ZYX: variants seen among roughly 807,000 people sequenced by gnomAD.
ZYX encodes the protein zyxin-2.
Under a neutral mutation model 58.1 loss-of-function variants are expected in ZYX, and 37 were observed. That is an observed-to-expected ratio of 0.64 (90% CI 0.49 to 0.84). ZYX has a LOEUF of 0.84. Among genes scored for constraint, ZYX ranks in the 40% least tolerant of loss-of-function variants. The probability of loss-of-function intolerance (pLI) is 0.00; values close to 1 mark genes in which losing one functional copy is unlikely to be tolerated. For synonymous variants in ZYX, 324 were observed against 321.1 expected (o/e 1.01, Z -0.10); for missense variants, 762 against 761.6 (o/e 1.00, Z -0.01).
rs1804657163 is a variant in ZYX, at chr7:143,382,418, C to G, written c.379C>G (p.Pro127Ala). 1 of 1,584,546 alleles carries G rather than the reference C, an allele frequency of 6.3e-7. No homozygotes were observed. The highest frequency in any genetic ancestry group is 8.6e-7 in the Non-Finnish European group (1 of 1,166,728). The change falls in exon 3 of 10, where the codon CCT becomes GCT. Residue 127 changes from proline to alanine, a missense_variant. Pro to Ala is a conservative substitution (Grantham distance 27). Transcript: ENST00000322764. Reference protein sequence around the residue: ...PPPPPEEEGGPEAPIPPPPQP... With the variant: ...PPPPPEEEGGAEAPIPPPPQP... ...GCCTCCTCCGGAGGAGGAGGGAGGG[C>G]CTGAGGCCCCCATACCGCCCCCACC... is the stretch of plus-strand genomic sequence containing the variant.
chr7:143,388,809 G>T lies in ZYX; in HGVS notation c.1357G>T (p.Asp453Tyr). ...KCNTCGEPITDRMLRATGKAY... is the reference protein window; with the variant it reads ...KCNTCGEPITYRMLRATGKAY... ...TAACACCTGCGGGGAGCCCATCACTGACCGCATGCTGAGGGCCACGGGCAA... is the reference window on the plus strand; with the variant it reads ...TAACACCTGCGGGGAGCCCATCACTTACCGCATGCTGAGGGCCACGGGCAA... Residue 453 changes from aspartate (D) to tyrosine (Y), a missense_variant, in exon 8 of 10, where the codon GAC becomes TAC. By Grantham distance (160) the Asp-to-Tyr change is radical. Coordinates refer to ENST00000322764, the MANE Select transcript of ZYX (RefSeq NM_003461.5). The surrounding 1 kb of genome is among the most constrained non-coding windows in gnomAD (Gnocchi z 7.5). 1.2e-6 allele frequency: 2 copies of T among 1,614,062 alleles called. No homozygotes were observed. The highest frequency in any genetic ancestry group is 1.1e-5 in the South Asian group (1 of 91,076).
chr7:143,390,582 G>T lies in ZYX; in HGVS notation c.1619G>T (p.Cys540Phe). Residue 540 changes from cysteine (C) to phenylalanine (F), a missense_variant, in exon 10 of 10, where the codon TGC becomes TTC. Cys to Phe is a radical substitution (Grantham distance 205). Coordinates refer to ENST00000322764, the MANE Select transcript of ZYX (RefSeq NM_003461.5). The surrounding 1 kb of genome is among the most constrained non-coding windows in gnomAD (Gnocchi z 4.3). ...FHMKCYKCED[C>F]GKPLSIEADD... ...CTCACCCTTCCTTCTTCCCAGGACT[G>T]CGGGAAGCCCCTGTCGATTGAGGCA... 6.4e-7 allele frequency: 1 copy of T among 1,564,516 alleles called. No homozygotes were observed. The highest frequency in any genetic ancestry group is 2.3e-5 in the East Asian group (1 of 42,596).
rs143565645 is a variant in ZYX at position 143,383,096 on chromosome 7, T to C, written c.797T>C (p.Phe266Ser). 2.8e-4 allele frequency: 448 copies of C among 1,614,046 alleles called. No individual in the cohort carries two copies. The highest frequency in any genetic ancestry group is 3.6e-4 in the Non-Finnish European group (428 of 1,180,036). The change falls in exon 5 of 10, where the codon TTT becomes TCT. Residue 266 changes from phenylalanine to serine, a missense_variant. By Grantham distance (155) the Phe-to-Ser change is radical (BLOSUM62 -2). Coordinates refer to ENST00000322764, the MANE Select transcript of ZYX (RefSeq NM_003461.5). ...TCATCTCCGGCTCCAGCCCCTAAGT[T>C]TTCTCCAGTGACTCCTAAGTTTACT... ...PASSPAPAPKFSPVTPKFTPV... is the reference protein window; with the variant it reads ...PASSPAPAPKSSPVTPKFTPV...
At chr7:143,382,139 TG>T in intron 2 of ZYX, 108 bp from the exon 3 acceptor site, 2 of 956,330 alleles carry the variant, frequency 2.1e-6, no homozygotes, top group Non-Finnish European at 3.1e-6. Flanking sequence ...CCACACGCTC[TG>T]GGACCCCTGA....
rs1804586229 is a variant in ZYX, at chr7:143,381,611, G to A, written c.40G>A (p.Val14Ile). The change falls in exon 2 of 10, where the codon GTC (valine) becomes ATC (isoleucine). Residue 14 changes from valine (V) to isoleucine (I), a missense_variant. Val to Ile is a conservative substitution (Grantham distance 29). Transcript: ENST00000322764. ...PRPSPAISVS[V>I]SAPAFYAPQK... is the part of the protein sequence containing the mutation. ...CCCGTCTCCCGCGATCTCCGTTTCG[G>A]TCTCGGCTCCGGCTTTTTACGCCCC... 1.2e-6 allele frequency: 2 copies of A among 1,611,910 alleles called. No individual in the cohort carries two copies. Among genetic ancestry groups the A allele is most frequent in the Admixed American group, 1.7e-5 (1 of 59,974 alleles).
Position 143,388,040 on chromosome 7 carries a change from G to T in ZYX, c.1024-179G>T. ...GCTTAGGTCCCTTCCCCTGTTATTT[G>T]TGTGGTGCTGGGGATGGCGGGGGTA... On this transcript the variant is annotated intron_variant, in intron 5 of 9. Coordinates refer to ENST00000322764, the MANE Select transcript of ZYX (RefSeq NM_003461.5). This position sits in a 1 kb window ranked among gnomAD's most constrained non-coding sequence, Gnocchi z 7.5. 1 of 687,240 alleles carries T rather than the reference G, an allele frequency of 1.5e-6. No individual in the cohort carries two copies. Among genetic ancestry groups the T allele is most frequent in the Middle Eastern group, 4.1e-4 (1 of 2,444 alleles). 42.6% of individuals were successfully genotyped at this position (687,240 alleles called of 1,614,324 possible). A position where few individuals can be genotyped will look rare whatever the true frequency, so the allele number is the denominator to read the frequency against.
rs375648581 is a variant in ZYX, at chr7:143,385,971, G to GGT, written c.1024-2234_1024-2233dup. ...GGTGTGGTATTATCTGAATGTGAGT[G>GGT]GTGTGTGTGTGTGTGGTATGGTATA... On this transcript the variant is annotated intron_variant, in intron 5 of 9. Transcript: ENST00000322764. 5.2e-3 allele frequency among the ~76,000 whole-genome samples: 783 copies of GGT among 150,184 alleles called. 3 individuals carry two copies. Among genetic ancestry groups the GGT allele is most frequent in the Middle Eastern group, 0.028 (8 of 290 alleles).
Position 143,388,199 on chromosome 7 carries a change from G to A in ZYX, c.1024-20G>A. 5.1e-6 allele frequency: 8 copies of A among 1,583,502 alleles called. No individual in the cohort carries two copies. The highest frequency in any genetic ancestry group is 6.0e-6 in the Non-Finnish European group (7 of 1,164,768). ...GAGGCAGCAGCCCTCTAGAGTGTGA[G>A]GAAAATGTTGGGATTGCAGGTGCGC... On this transcript the variant is annotated intron_variant, in intron 5 of 9. Coordinates refer to ENST00000322764, the MANE Select transcript of ZYX (RefSeq NM_003461.5). The surrounding 1 kb of genome is among the most constrained non-coding windows in gnomAD (Gnocchi z 7.5).
In ZYX at chr7:143,387,197, C is replaced by T. The variant is rs998204468; in HGVS notation, c.1024-1022C>T. On this transcript the variant is annotated intron_variant, in intron 5 of 9. Coordinates refer to ENST00000322764, the MANE Select transcript of ZYX (RefSeq NM_003461.5). The surrounding 1 kb of genome is among the most constrained non-coding windows in gnomAD (Gnocchi z 5.8). ...CTGGAGAGTTGGACTTATATGGACGCATGCTTCACTGGGCAGAAAGGACGC... is the reference window on the plus strand; with the variant it reads ...CTGGAGAGTTGGACTTATATGGACGTATGCTTCACTGGGCAGAAAGGACGC... 6.6e-6 allele frequency among the ~76,000 whole-genome samples: 1 copy of T among 151,958 alleles called. No homozygotes were observed. The highest frequency in any genetic ancestry group is 2.4e-5 in the African/African-American group (1 of 41,356).
rs1337236170 is a variant in ZYX at position 143,390,896 on chromosome 7, G to A, written c.*214G>A. The A allele has an allele frequency of 1.3e-5, 7 of 550,114 alleles. No homozygotes were observed. Among genetic ancestry groups the A allele is most frequent in the Admixed American group, 9.5e-5 (3 of 31,696 alleles). 34.1% of individuals were successfully genotyped at this position (550,114 alleles called of 1,614,324 possible). On this transcript the variant is annotated 3_prime_UTR_variant, in exon 10 of 10. Coordinates refer to ENST00000322764, the MANE Select transcript of ZYX (RefSeq NM_003461.5). The surrounding 1 kb of genome is among the most constrained non-coding windows in gnomAD (Gnocchi z 4.3). ...GTCTGGTCCTCGCCCATCCTGCAGG[G>A]ATTGCCCACCGTCTTCCAGACACCC...
chr7:143,383,011 G>T lies in ZYX; in HGVS notation c.712G>T (p.Val238Phe). 2 of 1,613,974 alleles carry T rather than the reference G, an allele frequency of 1.2e-6. No homozygotes were observed. The highest frequency in any genetic ancestry group is 1.7e-6 in the Non-Finnish European group (2 of 1,179,910). Reference protein sequence around the residue: ...PQPKPQVQLHVQSQTQPVSLA... With the variant: ...PQPKPQVQLHFQSQTQPVSLA... ...GCCCAAGCCTCAGGTCCAACTCCAT[G>T]TCCAGTCCCAGACCCAGCCTGTGTC... The change falls in exon 5 of 10, where the codon GTC becomes TTC. Residue 238 changes from valine (V) to phenylalanine (F), a missense_variant. By Grantham distance (50) the Val-to-Phe change is conservative. Transcript: ENST00000322764.
At position 143,388,674 on chromosome 7, in the gene ZYX, C is replaced by T; in HGVS notation, c.1314+16C>T. 6.2e-7 allele frequency: 1 copy of T among 1,605,484 alleles called. No individual in the cohort carries two copies. The highest frequency in any genetic ancestry group is 8.5e-7 in the Non-Finnish European group (1 of 1,174,798). On this transcript the variant is annotated intron_variant, in intron 7 of 9. Coordinates refer to ENST00000322764, the MANE Select transcript of ZYX (RefSeq NM_003461.5). This position sits in a 1 kb window ranked among gnomAD's most constrained non-coding sequence, Gnocchi z 7.5. ...CTGTTACACTGTGAGTCGGGCTGTG[C>T]TGGGCTGTGCTGGGCTGTGCTGGGC...
rs559675418 is a variant in ZYX, at chr7:143,388,634, G to A, written c.1290G>A (p.Ala430=). ...QGQQFYSLEG[A]PYCEGCYTDT... Reference sequence around the variant, plus strand: ...AGCAGTTCTACAGTCTGGAGGGGGCGCCGTACTGCGAGGGCTGTTACACTG... The same window carrying A: ...AGCAGTTCTACAGTCTGGAGGGGGCACCGTACTGCGAGGGCTGTTACACTG... The change falls in exon 7 of 10, where the codon GCG becomes GCA. Residue 430 remains alanine, a synonymous_variant. Transcript: ENST00000322764. This position sits in a 1 kb window ranked among gnomAD's most constrained non-coding sequence, Gnocchi z 7.5. The A allele has an allele frequency of 5.7e-5, 92 of 1,613,462 alleles. No homozygotes were observed. The highest frequency in any genetic ancestry group is 7.2e-5 in the Non-Finnish European group (85 of 1,179,926).
intron 5 of ZYX, among the ~76,000 whole-genome samples, chr7:143,385,978 G>A (rs1804849234): frequency 6.6e-6 from 1 of 151,280 alleles, no homozygotes; most frequent in African/African-American, 2.4e-5. Flanking sequence ...AGTGGTGTGT[G>A]TGTGTGTGGT....
intron 5 of ZYX, among the ~76,000 whole-genome samples, chr7:143,385,718 A>C (rs1432733431): frequency 2.6e-5 from 3 of 113,388 alleles, no homozygotes; most frequent in African/African-American, 1.1e-4. Flanking sequence ...GCCCATGCTT[A>C]CTACAACCTC....
rs1222307004 is a variant in ZYX, at chr7:143,390,514, G to T, written c.1615-64G>T. 1.7e-5 allele frequency: 20 copies of T among 1,194,688 alleles called. No homozygotes were observed. The highest frequency in any genetic ancestry group is 2.3e-5 in the Non-Finnish European group (19 of 829,188). 74.0% of individuals were successfully genotyped at this position (1,194,688 alleles called of 1,614,324 possible). ...ATTCCAAGATGGAGCTGGATGGGGTGGGGTAGGGTGGAGCAGAGCAGGGGC... is the reference window on the plus strand; with the variant it reads ...ATTCCAAGATGGAGCTGGATGGGGTTGGGTAGGGTGGAGCAGAGCAGGGGC... On this transcript the variant is annotated intron_variant, in intron 9 of 9. Coordinates refer to ENST00000322764, the MANE Select transcript of ZYX (RefSeq NM_003461.5). The surrounding 1 kb of genome is among the most constrained non-coding windows in gnomAD (Gnocchi z 4.3).
chr7:143,382,399 T>G lies in ZYX; in HGVS notation c.360T>G (p.Pro120=), dbSNP rs762417028. The part of the protein sequence containing the change: ...EEEIFPSPPP[P]PEEEGGPEAP... Reference sequence around the variant, plus strand: ...AGATCTTCCCTTCCCCGCCGCCTCCTCCGGAGGAGGAGGGAGGGCCTGAGG... The same window carrying G: ...AGATCTTCCCTTCCCCGCCGCCTCCGCCGGAGGAGGAGGGAGGGCCTGAGG... The change falls in exon 3 of 10, where the codon CCT becomes CCG. Residue 120 remains proline, a synonymous_variant. Coordinates refer to ENST00000322764, the MANE Select transcript of ZYX (RefSeq NM_003461.5). 12 of 1,579,460 alleles carry G rather than the reference T, an allele frequency of 7.6e-6. No homozygotes were observed. Among genetic ancestry groups the G allele is most frequent in the Middle Eastern group, 1.7e-4 (1 of 5,882 alleles).
rs1804942691 is a variant in ZYX at position 143,388,372 on chromosome 7, GCCC to G, written c.1144+36_1144+38del. 1 of 1,612,248 alleles carries G rather than the reference GCCC, an allele frequency of 6.2e-7. No individual in the cohort carries two copies. Among genetic ancestry groups the G allele is most frequent in the East Asian group, 2.2e-5 (1 of 44,820 alleles). On this transcript the variant is annotated intron_variant, in intron 6 of 9. Coordinates refer to ENST00000322764, the MANE Select transcript of ZYX (RefSeq NM_003461.5). The surrounding 1 kb of genome is among the most constrained non-coding windows in gnomAD (Gnocchi z 7.5). ...CACCCCACCGGGACACCCCCACCCT[GCCC>G]CCACATCACGGTGGGGGCCAGGGCT...
At chr7:143,385,644 G>A (rs896243366) in intron 5 of ZYX, among the ~76,000 whole-genome samples, 13 of 142,480 alleles carry the variant, frequency 9.1e-5, no homozygotes, top group African/African-American at 2.6e-4. Flanking sequence ...GTGTGTGAGC[G>A]TGTGGTGTGG....
Sources: gnomAD v4.1 joint callset for allele counts (sites outside exome capture counted in the v4.1 genomes callset) on GRCh38, gnomAD v4.1.1 for gene constraint, Gnocchi (gnomAD v3.1) non-coding constraint, MANE v1.5 for transcripts, NCBI Gene and HGNC (gene_info 2026-07-23, HGNC 2026-07-21) for gene names.